CDS1: variants seen among roughly 807,000 people sequenced by gnomAD.
CDS1 encodes the protein CDP-diacylglycerol synthase 1.
A neutral mutation model predicts 62.1 loss-of-function variants in CDS1; 41 were observed. The observed-to-expected ratio is 0.66, with a 90% confidence interval of 0.51 to 0.86. CDS1 has a LOEUF of 0.86. CDS1 is among the 40% of genes least tolerant of loss of function. The pLI, the probability that CDS1 is intolerant of heterozygous loss-of-function variation, is 0.00. For synonymous variants in CDS1, 185 were observed against 192.6 expected, an observed-to-expected ratio of 0.96 and a Z score of 0.32; for missense variants, 470 against 550.1, an observed-to-expected ratio of 0.85 and a Z score of 1.46.
At chr4:84,607,012 C>T (rs979915002) in intron 2 of CDS1, among the ~76,000 whole-genome samples, 1 of 152,164 alleles carries the variant, frequency 6.6e-6, no homozygotes, top group Non-Finnish European at 1.5e-5. Context: ...ATTTTTGACT[C>T]TACACTCATT....
At chr4:84,629,130 A>G (rs899842089) in intron 5 of CDS1, among the ~76,000 whole-genome samples, 32 of 152,316 alleles carry the variant, frequency 2.1e-4, no homozygotes, top group Admixed American at 9.2e-4. Flanking sequence ...TATGGATCCA[A>G]TTGTACAAAA....
chr4:84,613,503 A>C (rs1311467923), intron 3 of CDS1, among the ~76,000 whole-genome samples: 3 of 152,184 alleles, frequency 2.0e-5, no homozygotes, highest in East Asian at 3.9e-4. Context: ...CTAGCTACTC[A>C]GGTGGCTGAG....
At chr4:84,620,745 C>G (rs1228712791) in intron 5 of CDS1, among the ~76,000 whole-genome samples, 5 of 152,014 alleles carry the variant, frequency 3.3e-5, no homozygotes, top group Non-Finnish European at 7.4e-5. Flanking sequence ...TCTGGACCTA[C>G]CAATTACTGG....
At chr4:84,586,833 T>G (rs1319992126) in intron 1 of CDS1, among the ~76,000 whole-genome samples, 2 of 152,112 alleles carry the variant, frequency 1.3e-5, no homozygotes, top group Non-Finnish European at 2.9e-5. Context: ...AAAGTGGCAG[T>G]GAAAGGAATA....
At chr4:84,602,491 A>G (rs1009442433) in intron 1 of CDS1, among the ~76,000 whole-genome samples, 5 of 152,130 alleles carry the variant, frequency 3.3e-5, no homozygotes, top group African/African-American at 1.2e-4. Flanking sequence ...CCTTCAGATT[A>G]AGTGATTTGC....
In CDS1 at chr4:84,625,815, A is replaced by G. The variant is rs142719475; in HGVS notation, c.581-6004A>G. Among the ~76,000 whole-genome samples the G allele has an allele frequency of 4.8e-3, 733 of 151,896 alleles. 7 individuals are homozygous for G. Among genetic ancestry groups the G allele is most frequent in the African/African-American group, 0.017 (686 of 41,398 alleles). ...ATAGGAAGTTACTACTGTAATCCAC[A>G]CTAAATGTAGTAATGACCTAAACTC... On this transcript the variant is annotated intron_variant, in intron 5 of 12. Transcript: ENST00000295887.
Position 84,631,910 on chromosome 4 carries a change from C to T in CDS1, c.639+33C>T, listed in dbSNP as rs767554053. The T allele has an allele frequency of 4.0e-6, 6 of 1,485,632 alleles. No homozygotes were observed. The East Asian group carries it at 1.1e-4, about 28-fold the overall frequency. 92.0% of individuals were successfully genotyped at this position (1,485,632 alleles called of 1,614,324 possible). ...TTAACTATTATTCCTTAGTCATTATCTGTGATAAAAACCCTTAACTTTTTT... is the reference window on the plus strand; with the variant it reads ...TTAACTATTATTCCTTAGTCATTATTTGTGATAAAAACCCTTAACTTTTTT... On this transcript the variant is annotated intron_variant, in intron 6 of 12. Transcript: ENST00000295887.
At chr4:84,635,239 C>CT (rs11310518) in intron 7 of CDS1, 25 bp from the exon 8 acceptor site, 69,586 of 1,010,640 alleles carry the variant, frequency 0.069, no homozygotes, top group Non-Finnish European at 0.074. Flanking sequence ...TTTCTGCTGA[C>CT]TTTTTTTTTT....
chr4:84,592,421 T>C (rs1045052813), intron 1 of CDS1, among the ~76,000 whole-genome samples: 1 of 152,094 alleles, frequency 6.6e-6, no homozygotes, highest in African/African-American at 2.4e-5. Flanking sequence ...AATCCACCTG[T>C]CTTGGCCTCC....
chr4:84,592,519 G>A (rs1194669999), intron 1 of CDS1, among the ~76,000 whole-genome samples: 1 of 152,058 alleles, frequency 6.6e-6, no homozygotes, highest in African/African-American at 2.4e-5. Context: ...AGTTTATTAT[G>A]TAAGTATTTA....
Position 84,650,122 on chromosome 4 carries a change from T to G in CDS1, c.*1436T>G, listed in dbSNP as rs1363710563. ...TTTTTGTTTAAATCAGCAAAAACTT[T>G]CCATTATTTTATATTTCCGTCTACT... On this transcript the variant is annotated 3_prime_UTR_variant, in exon 13 of 13. Coordinates refer to ENST00000295887, the MANE Select transcript of CDS1 (RefSeq NM_001263.4). 6.6e-6 allele frequency: 1 copy of G among 152,192 alleles called. No homozygotes were observed. The highest frequency in any genetic ancestry group is 6.5e-5 in the Admixed American group (1 of 15,278). 9.4% of individuals were successfully genotyped at this position (152,192 alleles called of 1,614,324 possible).
intron 3 of CDS1, among the ~76,000 whole-genome samples, chr4:84,616,408 T>C (rs949390317): frequency 9.9e-5 from 15 of 152,196 alleles, no homozygotes; most frequent in Non-Finnish European, 1.8e-4. Flanking sequence ...CCCTGAATGG[T>C]AGGTTTTGGA....
rs751135127 is a variant in CDS1, at chr4:84,645,344, C to T, written c.1256+19C>T. On this transcript the variant is annotated intron_variant, in intron 12 of 12. Transcript: ENST00000295887. The stretch of plus-strand genomic sequence containing the variant: ...TTATAAGGTACTTTTACACTTGAGA[C>T]ATTTTTTAGATGATTTCTTTGAGTT... 2.2e-6 allele frequency: 3 copies of T among 1,387,824 alleles called. No individual in the cohort carries two copies. Among genetic ancestry groups the T allele is most frequent in the South Asian group, 2.4e-5 (2 of 84,438 alleles). The allele number at this position is 1,387,824 out of a possible 1,614,324, so 86.0% of individuals were successfully genotyped here.
rs1257677280 is a variant in CDS1 at position 84,583,809 on chromosome 4, TG to T, written c.117+295del. ...CTCTTCCGGTCCCTTCTTCAGGATC[TG>T]GGGCCGACGCTGGAATCAGGAGGGA... On this transcript the variant is annotated intron_variant, in intron 1 of 12. Transcript: ENST00000295887. Among the ~76,000 whole-genome samples the T allele has an allele frequency of 6.6e-5, 10 of 152,246 alleles. No individual in the cohort carries two copies. In the East Asian group the frequency reaches 1.9e-3, roughly 29 times the overall value.
Position 84,648,823 on chromosome 4 carries a change from C to A in CDS1, c.*137C>A. ...GGAGATATGTTTCTCTCTGAAATTACTGTGAATATTTAACAAACACTTACT... is the reference window on the plus strand; with the variant it reads ...GGAGATATGTTTCTCTCTGAAATTAATGTGAATATTTAACAAACACTTACT... On this transcript the variant is annotated 3_prime_UTR_variant, in exon 13 of 13. Coordinates refer to ENST00000295887, the MANE Select transcript of CDS1 (RefSeq NM_001263.4). 2.5e-6 allele frequency: 2 copies of A among 799,572 alleles called. No individual in the cohort carries two copies. Among genetic ancestry groups the A allele is most frequent in the Non-Finnish European group, 3.8e-6 (2 of 529,432 alleles). 49.5% of individuals were successfully genotyped at this position (799,572 alleles called of 1,614,324 possible).
At chr4:84,627,227 T>C (rs1723889449) in intron 5 of CDS1, among the ~76,000 whole-genome samples, 1 of 152,180 alleles carries the variant, frequency 6.6e-6, no homozygotes, top group South Asian at 2.1e-4. Context: ...TTAAATAAAA[T>C]GTAGGTATCT....
chr4:84,591,129 A>G (rs1436648402), intron 1 of CDS1, among the ~76,000 whole-genome samples: 2 of 152,210 alleles, frequency 1.3e-5, no homozygotes, highest in Non-Finnish European at 2.9e-5. Flanking sequence ...GAAAAGTATG[A>G]AGAAAAATTA....
At chr4:84,627,190 A>G (rs1385272738) in intron 5 of CDS1, among the ~76,000 whole-genome samples, 3 of 152,170 alleles carry the variant, frequency 2.0e-5, no homozygotes, top group African/African-American at 7.2e-5. Context: ...AGACAGTTCA[A>G]ATTACTTCAT....
intron 3 of CDS1, among the ~76,000 whole-genome samples, chr4:84,612,384 A>G (rs1350775404): frequency 6.6e-6 from 1 of 152,136 alleles, no homozygotes; most frequent in Non-Finnish European, 1.5e-5. Flanking sequence ...TATCCTAGAT[A>G]CAGTGACTTC....
Sources: allele counts gnomAD v4.1 joint callset (sites outside exome capture counted in the v4.1 genomes callset), GRCh38; gene constraint gnomAD v4.1.1; transcripts MANE v1.5; gene names NCBI Gene and HGNC (gene_info 2026-07-23, HGNC 2026-07-21).